Variants in ENTREP2 observed in about 807,000 individuals in gnomAD.
ENTREP2 encodes the protein protein ENTREP2.
chr15:29,249,920 G>C, the ENTREP2 span, among the ~76,000 whole-genome samples: 1 of 152,038 alleles, frequency 6.6e-6, no homozygotes, highest in Middle Eastern at 3.2e-3. Context: ...AAGCAAGGAA[G>C]GGAGGTGCCA....
the ENTREP2 span, among the ~76,000 whole-genome samples, chr15:29,206,339 C>T: frequency 6.6e-6 from 1 of 152,138 alleles, no homozygotes. Context: ...GACCCCACCT[C>T]CTAATACCAT....
At chr15:29,258,812 A>G in the ENTREP2 span, among the ~76,000 whole-genome samples, 2 of 152,150 alleles carry the variant, frequency 1.3e-5, no homozygotes, top group African/African-American at 4.8e-5. Flanking sequence ...TACTCTAGAT[A>G]TGTTACATAC....
At chr15:29,613,718 T>TTTTTTAATGATACG in the ENTREP2 span, 1 of 168,916 alleles carries the variant, frequency 5.9e-6, no homozygotes. Context: ...TCAGCTAACA[T>TTTTTTAATGATACG]GCGTGGGGTC....
the ENTREP2 span, among the ~76,000 whole-genome samples, chr15:29,646,723 T>C: frequency 1.3e-5 from 2 of 152,140 alleles, no homozygotes; most frequent in African/African-American, 4.8e-5. Flanking sequence ...TAGATGAACA[T>C]TTGATGGAAT....
the ENTREP2 span, chr15:29,234,078 C>T: frequency 8.0e-5 from 120 of 1,491,852 alleles, 1 homozygote; most frequent in South Asian, 1.8e-4. Flanking sequence ...CTTGCTTCTT[C>T]GAACCGTCTT....
the ENTREP2 span, among the ~76,000 whole-genome samples, chr15:29,642,370 C>A: frequency 6.6e-6 from 1 of 150,974 alleles, no homozygotes; most frequent in African/African-American, 2.4e-5. Context: ...ATTAATGGTG[C>A]CAAAACCATT....
the ENTREP2 span, among the ~76,000 whole-genome samples, chr15:29,435,238 C>T: frequency 1.3e-5 from 2 of 152,134 alleles, no homozygotes; most frequent in African/African-American, 4.8e-5. Context: ...GAAACGTGAG[C>T]TCAGAGATCT....
the ENTREP2 span, among the ~76,000 whole-genome samples, chr15:29,624,903 G>A: frequency 1.3e-5 from 2 of 150,494 alleles, no homozygotes; most frequent in Non-Finnish European, 2.9e-5. Context: ...GTGTGTGTGT[G>A]TGTGTATAGT....
chr15:29,383,071 C>T, the ENTREP2 span, among the ~76,000 whole-genome samples: 4 of 152,128 alleles, frequency 2.6e-5, no homozygotes, highest in Non-Finnish European at 4.4e-5. Context: ...CTCTCCCCAA[C>T]CTCTTCCTGG....
At chr15:29,658,987 C>T in the ENTREP2 span, among the ~76,000 whole-genome samples, 2 of 152,266 alleles carry the variant, frequency 1.3e-5, no homozygotes, top group Non-Finnish European at 2.9e-5. Context: ...CTTCACACAA[C>T]ATACAGATGG....
At chr15:29,625,497 G>T in the ENTREP2 span, among the ~76,000 whole-genome samples, 1 of 152,146 alleles carries the variant, frequency 6.6e-6, no homozygotes, top group South Asian at 2.1e-4. Context: ...CCAGGCTCAA[G>T]TAGTTCTCCT....
chr15:29,581,499 A>C, the ENTREP2 span, among the ~76,000 whole-genome samples: 16 of 152,168 alleles, frequency 1.1e-4, no homozygotes, highest in Admixed American at 2.6e-4. Flanking sequence ...AAATACCCAA[A>C]ATAATATTTG....
the ENTREP2 span, among the ~76,000 whole-genome samples, chr15:29,585,564 G>T: frequency 1.3e-5 from 2 of 152,114 alleles, no homozygotes; most frequent in African/African-American, 4.8e-5. Flanking sequence ...ACATAAAACG[G>T]CACAACCACA....
At chr15:29,561,793 G>A in the ENTREP2 span, among the ~76,000 whole-genome samples, 1 of 152,124 alleles carries the variant, frequency 6.6e-6, no homozygotes, top group African/African-American at 2.4e-5. Flanking sequence ...GCTGGTTTGG[G>A]TGGCAATCAT....
the ENTREP2 span, among the ~76,000 whole-genome samples, chr15:29,148,879 ATTTTT>A: frequency 1.4e-5 from 2 of 142,666 alleles, no homozygotes; most frequent in Non-Finnish European, 3.1e-5. Context: ...TTTTTTTTTA[ATTTTT>A]TTTTTTTTTT....
the ENTREP2 span, among the ~76,000 whole-genome samples, chr15:29,262,741 T>A: frequency 1.8e-4 from 28 of 152,342 alleles, no homozygotes; most frequent in African/African-American, 6.7e-4. Flanking sequence ...AAAGAGGACA[T>A]CATCAGAACC....
At chr15:29,179,382 G>C in the ENTREP2 span, among the ~76,000 whole-genome samples, 1 of 152,204 alleles carries the variant, frequency 6.6e-6, no homozygotes, top group Middle Eastern at 3.2e-3. Context: ...GGAAGACTTA[G>C]TGAATAATGG....
At chr15:29,592,981 G>A in the ENTREP2 span, among the ~76,000 whole-genome samples, 1 of 152,124 alleles carries the variant, frequency 6.6e-6, no homozygotes, top group Non-Finnish European at 1.5e-5. Context: ...CATGCTTCTT[G>A]TAACAGCCTG....
At chr15:29,466,021 C>G in the ENTREP2 span, among the ~76,000 whole-genome samples, 124 of 152,302 alleles carry the variant, frequency 8.1e-4, 1 homozygote, top group East Asian at 0.016. Context: ...CAAATATTTA[C>G]TGAGTGCCAG....
Sources: gnomAD v4.1 joint callset for allele counts (sites outside exome capture counted in the v4.1 genomes callset) on GRCh38, gnomAD v4.1.1 for gene constraint, MANE v1.5 for transcripts, NCBI Gene and HGNC (gene_info 2026-07-23, HGNC 2026-07-21) for gene names.